IL23R: variants seen among roughly 807,000 people sequenced by gnomAD.
IL23R encodes the protein interleukin 23 receptor.
A neutral mutation model predicts 56.9 loss-of-function variants in IL23R; 34 were observed. The observed-to-expected ratio is 0.60, with a 90% CI of 0.45 to 0.80. The LOEUF (loss-of-function observed/expected upper bound fraction) is 0.80, where lower values mean the gene tolerates loss of function less well. IL23R is among the 30% of genes least tolerant of loss of function. The pLI, the probability that IL23R is intolerant of heterozygous loss-of-function variation, is 0.00. For missense variants in IL23R, 635 were observed against 730.0 expected (o/e 0.87, Z 1.50); for synonymous variants, 230 against 249.2 (o/e 0.92, Z 0.73).
intron 5 of IL23R, among the ~76,000 whole-genome samples, chr1:67,202,341 A>G (rs1417123319): frequency 6.6e-6 from 1 of 152,174 alleles, no homozygotes; most frequent in Non-Finnish European, 1.5e-5. Context: ...AACTGGGACT[A>G]CAGGTGTGTG....
intron 4 of IL23R, among the ~76,000 whole-genome samples, chr1:67,186,037 G>A (rs974410396): frequency 6.6e-6 from 1 of 152,180 alleles, no homozygotes; most frequent in African/African-American, 2.4e-5. Context: ...TTCTAACAGG[G>A]ATTTCTCTGG....
intron 6 of IL23R, among the ~76,000 whole-genome samples, chr1:67,208,177 G>A (rs190662343): frequency 1.3e-5 from 2 of 152,290 alleles, no homozygotes; most frequent in East Asian, 3.9e-4. Context: ...GGTGATTTGG[G>A]TACTATTAAA....
chr1:67,212,541 A>ACC (rs562503566), intron 6 of IL23R, among the ~76,000 whole-genome samples: 2,848 of 82,724 alleles, frequency 0.034, 94 homozygotes, highest in African/African-American at 0.13. Flanking sequence ...TAGTCATGCA[A>ACC]TCTTTTTTTT....
intron 6 of IL23R, among the ~76,000 whole-genome samples, chr1:67,218,972 T>TATAA (rs573235746): frequency 3.3e-5 from 5 of 150,856 alleles, no homozygotes; most frequent in Admixed American, 6.6e-5. Flanking sequence ...CACACACACA[T>TATAA]ATAAATAAAT....
chr1:67,168,334 AG>A, intron 2 of IL23R, 144 bp downstream of exon 2: 1 of 732,440 alleles, frequency 1.4e-6, no homozygotes, highest in Non-Finnish European at 2.4e-6. Flanking sequence ...AAAATTACAT[AG>A]AATGAAATAA....
intron 9 of IL23R, among the ~76,000 whole-genome samples, chr1:67,245,383 T>C (rs1052635560): frequency 2.6e-5 from 4 of 152,226 alleles, no homozygotes; most frequent in African/African-American, 9.6e-5. Context: ...CCTTGTCTTG[T>C]GCTGGTTTTC....
chr1:67,214,262 A>G (rs201871835), intron 6 of IL23R, among the ~76,000 whole-genome samples: 1 of 151,268 alleles, frequency 6.6e-6, no homozygotes, highest in Non-Finnish European at 1.5e-5. Flanking sequence ...CTAGCTTTTC[A>G]AAGTTGGTTT....
chr1:67,199,894 T>A (rs1037374934), intron 4 of IL23R, among the ~76,000 whole-genome samples: 1 of 152,134 alleles, frequency 6.6e-6, no homozygotes, highest in Non-Finnish European at 1.5e-5. Context: ...AGCGTTTTTG[T>A]CCAGGCACAG....
At chr1:67,207,648 A>G in intron 6 of IL23R, 1 of 401,664 alleles carries the variant, frequency 2.5e-6, no homozygotes, top group South Asian at 1.9e-5. Flanking sequence ...AAGTAAGAAG[A>G]GCCTTTTGCC....
chr1:67,178,870 A>G (rs1194969122), intron 3 of IL23R, among the ~76,000 whole-genome samples: 1 of 152,222 alleles, frequency 6.6e-6, no homozygotes, highest in East Asian at 1.9e-4. Context: ...AGCTATTGAG[A>G]CAATCATGTG....
At chr1:67,253,415 C>T (rs1360325645) in intron 9 of IL23R, among the ~76,000 whole-genome samples, 1 of 152,220 alleles carries the variant, frequency 6.6e-6, no homozygotes, top group Non-Finnish European at 1.5e-5. Flanking sequence ...TGTCCAGTTG[C>T]TCACAAATTT....
intron 7 of IL23R, among the ~76,000 whole-genome samples, chr1:67,222,215 C>G (rs1265197592): frequency 7.1e-6 from 1 of 140,150 alleles, no homozygotes; most frequent in African/African-American, 2.6e-5. Flanking sequence ...CTCCTGGGTT[C>G]AAGAGATTCT....
intron 1 of IL23R, among the ~76,000 whole-genome samples, chr1:67,155,271 G>C (rs753731137): frequency 4.6e-5 from 7 of 152,116 alleles, no homozygotes; most frequent in East Asian, 3.9e-4. Context: ...ATGTGTTTGG[G>C]GATTGATCTT....
intron 7 of IL23R, among the ~76,000 whole-genome samples, chr1:67,233,195 CAAAAAAAAAAA>C (rs34125353): frequency 3.7e-5 from 2 of 53,636 alleles, no homozygotes; most frequent in African/African-American, 7.8e-5. Context: ...CTAAAAATTC[CAAAAAAAAAAA>C]AAAAAAAAAA....
chr1:67,169,263 A>C (rs1156615999), intron 2 of IL23R, 79 bp from the exon 3 acceptor site: 1 of 1,102,728 alleles, frequency 9.1e-7, no homozygotes, highest in East Asian at 2.4e-5. Flanking sequence ...TGATAAATTT[A>C]AAATGCAATA....
chr1:67,264,944 TG>T (rs199728750), downstream of IL23R, among the ~76,000 whole-genome samples: 710 of 152,266 alleles, frequency 4.7e-3, 15 homozygotes, highest in Admixed American at 0.036. Flanking sequence ...GAGACGGGGT[TG>T]GGGGGGAACC....
At position 67,222,102 on chromosome 1, in the gene IL23R, C is replaced by CTTTTTTTTTTTTTTTTTTTTTTTT. The variant is rs72241835; in HGVS notation, c.955+2377_955+2400dup. On this transcript the variant is annotated intron_variant, in intron 7 of 10. Transcript: ENST00000347310. Reference sequence around the variant, plus strand: ...TCCTTTTCTCTTTCTTTCTTTCTTTCTTTTTTTTTTTTTTTTTTTTTTTTT... The same window carrying CTTTTTTTTTTTTTTTTTTTTTTTT: ...TCCTTTTCTCTTTCTTTCTTTCTTTCTTTTTTTTTTTTTTTTTTTTTTTTTTTTTTTTTTTTTTTTTTTTTTTTT... Among the ~76,000 whole-genome samples the CTTTTTTTTTTTTTTTTTTTTTTTT allele has an allele frequency of 7.6e-4, 45 of 58,900 alleles. 1 individual carries two copies. Among genetic ancestry groups the CTTTTTTTTTTTTTTTTTTTTTTTT allele is most frequent in the Non-Finnish European group, 9.8e-4 (32 of 32,688 alleles). The allele number at this position is 58,900 out of a possible 152,430, so 38.6% of individuals were successfully genotyped here.
Position 67,258,819 on chromosome 1 carries a change from T to C in IL23R, c.1581T>C (p.His527=). 6.2e-7 allele frequency: 1 copy of C among 1,612,386 alleles called. No homozygotes were observed. The highest frequency in any genetic ancestry group is 8.5e-7 in the Non-Finnish European group (1 of 1,178,658). The change falls in exon 11 of 11, where the codon CAT becomes CAC. Residue 527 remains histidine (H), a synonymous_variant. Transcript: ENST00000347310. Reference sequence around the variant, plus strand: ...GAAATAATCCCAGGTTACAAAAGCATCCTAATTTTGCTTTTTCTGTTTCAA... The same window carrying C: ...GAAATAATCCCAGGTTACAAAAGCACCCTAATTTTGCTTTTTCTGTTTCAA... ...DSGNNPRLQK[H]PNFAFSVSSV...
At chr1:67,158,716 C>T (rs1435768281) in intron 1 of IL23R, among the ~76,000 whole-genome samples, 2 of 152,070 alleles carry the variant, frequency 1.3e-5, no homozygotes, top group Non-Finnish European at 2.9e-5. Context: ...GAAGTACCAT[C>T]TCTTACCTCA....
Sources: allele counts gnomAD v4.1 joint callset (sites outside exome capture counted in the v4.1 genomes callset), GRCh38; gene constraint gnomAD v4.1.1; transcripts MANE v1.5; gene names NCBI Gene and HGNC (gene_info 2026-07-23, HGNC 2026-07-21).